Variants in TGM4 observed in about 807,000 individuals in gnomAD.
The protein encoded by TGM4 is transglutaminase 4.
In TGM4, 61 loss-of-function variants were observed where a neutral mutation model predicts 76.3. The ratio of observed to expected loss-of-function variants is 0.80; its 90% confidence interval spans 0.65 to 0.99. The LOEUF is 0.99. Ranked by LOEUF, TGM4 falls within the 50% of genes least tolerant of loss-of-function variation. The pLI is 0.00. For synonymous variants in TGM4, 337 were observed against 329.8 expected, an observed-to-expected ratio of 1.02 and a Z score of -0.24; for missense variants, 794 against 843.2, an observed-to-expected ratio of 0.94 and a Z score of 0.72.
chr3:44,895,433 C>T (rs775965681), intron 5 of TGM4, among the ~76,000 whole-genome samples: 1 of 152,162 alleles, frequency 6.6e-6, no homozygotes, highest in Non-Finnish European at 1.5e-5. Flanking sequence ...TCAAGGCCAG[C>T]CTGGGCAACA....
chr3:44,893,603 G>T lies in TGM4; in HGVS notation c.457G>T (p.Asp153Tyr), dbSNP rs1395462025. The T allele has an allele frequency of 4.3e-6, 7 of 1,613,784 alleles. No individual in the cohort carries two copies. Among genetic ancestry groups the T allele is most frequent in the Middle Eastern group, 1.6e-4 (1 of 6,066 alleles). Residue 153 changes from aspartate to tyrosine, a missense_variant, in exon 5 of 14, where the codon GAC becomes TAC. Coordinates refer to ENST00000296125, the MANE Select transcript of TGM4 (RefSeq NM_003241.4). ...KEDMVFMPDE[D>Y]ERKEYILNDT... ...GGACATGGTTTTCATGCCTGATGAG[G>T]ACGAGCGCAAAGAGTACATCCTCAA... is the stretch of plus-strand genomic sequence containing the variant.
intron 1 of TGM4, 44 bp downstream of exon 1, chr3:44,874,741 C>A (rs13076123): frequency 0.042 from 67,955 of 1,613,186 alleles, 1,700 homozygotes; most frequent in Non-Finnish European, 0.049. Context: ...GCCCCTTCAG[C>A]CAGCTGGCCC....
chr3:44,910,153 A>C lies in TGM4; in HGVS notation c.1391A>C (p.His464Pro). The C allele has an allele frequency of 1.9e-6, 3 of 1,614,244 alleles. No homozygotes were observed. Among genetic ancestry groups the C allele is most frequent in the Non-Finnish European group, 2.5e-6 (3 of 1,180,038 alleles). The change falls in exon 11 of 14, where the codon CAC becomes CCC. Residue 464 changes from histidine (H) to proline (P), a missense_variant. Transcript: ENST00000296125. ...AFLLLSSEREHRRPVKENFLH... is the reference protein window; with the variant it reads ...AFLLLSSEREPRRPVKENFLH... ...CTCCTTCTCAGTTCTGAGAGGGAGC[A>C]CAGACGACCTGTAAAAGAGAACTTT... is the stretch of plus-strand genomic sequence containing the variant.
At chr3:44,885,185 A>G (rs534755769) in intron 1 of TGM4, 140 bp from the exon 2 acceptor site, 37 of 789,066 alleles carry the variant, frequency 4.7e-5, no homozygotes, top group Non-Finnish European at 6.8e-5. Context: ...ATTCATAACC[A>G]GCTGGAGGTG....
Position 44,910,370 on chromosome 3 carries a change from T to C in TGM4, c.1606+2T>C, listed in dbSNP as rs768577400. 1 of 1,612,532 alleles carries C rather than the reference T, an allele frequency of 6.2e-7. No individual in the cohort carries two copies. Among genetic ancestry groups the C allele is most frequent in the South Asian group, 1.1e-5 (1 of 91,068 alleles). The stretch of plus-strand genomic sequence containing the variant: ...AGACCTCGCAGATCCAAGGTCAAGG[T>C]ACCAGAACCAGAGGGAGGAGAGGCC... On this transcript the variant is annotated splice_donor_variant, in intron 11 of 13. Transcript: ENST00000296125. LOFTEE classifies it high-confidence loss of function.
At chr3:44,881,265 A>G (rs895146351) in intron 1 of TGM4, among the ~76,000 whole-genome samples, 1 of 152,172 alleles carries the variant, frequency 6.6e-6, no homozygotes, top group Non-Finnish European at 1.5e-5. Flanking sequence ...CTGATCATTT[A>G]TTCATTGAGC....
chr3:44,912,378 G>A (rs1223719923), intron 13 of TGM4, among the ~76,000 whole-genome samples: 1 of 152,084 alleles, frequency 6.6e-6, no homozygotes, highest in African/African-American at 2.4e-5. Flanking sequence ...GGTTTTCCTA[G>A]TACTTTGTAG....
intron 11 of TGM4, 58 bp from the exon 12 acceptor site, chr3:44,910,900 A>G (rs765507823): frequency 2.6e-6 from 4 of 1,562,222 alleles, no homozygotes; most frequent in Non-Finnish European, 3.5e-6. Flanking sequence ...GATGAGGAGA[A>G]CTCATACTGG....
intron 1 of TGM4, among the ~76,000 whole-genome samples, chr3:44,881,776 T>C (rs1370773473): frequency 6.6e-6 from 1 of 152,208 alleles, no homozygotes; most frequent in Non-Finnish European, 1.5e-5. Flanking sequence ...CATCTGGAGA[T>C]TGCTTGTCTT....
In TGM4 at chr3:44,901,822, A is replaced by G. The variant is rs574852363; in HGVS notation, c.862A>G (p.Ser288Gly). 311 of 1,614,070 alleles carry G rather than the reference A, an allele frequency of 1.9e-4. 2 individuals carry two copies. The South Asian group carries it at 3.2e-3, about 16-fold the overall frequency. Residue 288 changes from serine to glycine, a missense_variant, in exon 8 of 14, where the codon AGT becomes GGT. Physicochemically the swap from Ser to Gly is moderately conservative, Grantham distance 56. Transcript: ENST00000296125. Reference sequence around the variant, plus strand: ...GAGAGCGTTGGGCATCCCAGCACGCAGTGTGACAGGCTTCGATTCAGCTCA... The same window carrying G: ...GAGAGCGTTGGGCATCCCAGCACGCGGTGTGACAGGCTTCGATTCAGCTCA... ...VLRALGIPAR[S>G]VTGFDSAHDT...
rs1211125557 is a variant in TGM4 at position 44,913,591 on chromosome 3, C to A, written c.1921C>A (p.Gln641Lys). The A allele has an allele frequency of 2.4e-5, 39 of 1,613,090 alleles. No individual in the cohort carries two copies. In the Admixed American group the frequency reaches 6.5e-4, roughly 27 times the overall value. Residue 641 changes from glutamine to lysine, a missense_variant, in exon 14 of 14, where the codon CAG becomes AAG. Gln to Lys is a moderately conservative substitution (Grantham distance 53). Transcript: ENST00000296125. ...TGTCTTTGAATTTTCCAGGACGGTG[C>A]AGCCTGGTGAGACCATCCAATCCCA... ...SLQTSDHGTVQPGETIQSQIK... is the reference protein window; with the variant it reads ...SLQTSDHGTVKPGETIQSQIK...
At chr3:44,906,355 A>G (rs1312346163) in intron 9 of TGM4, among the ~76,000 whole-genome samples, 2 of 152,216 alleles carry the variant, frequency 1.3e-5, no homozygotes. Context: ...GGAACTCTCT[A>G]TCCCCATGCT....
At chr3:44,911,148 A>G in intron 12 of TGM4, 21 bp downstream of exon 12, 2 of 1,612,230 alleles carry the variant, frequency 1.2e-6, no homozygotes, top group Non-Finnish European at 1.7e-6. Flanking sequence ...TGCAGGCCAT[A>G]AAGGGCTCCT....
chr3:44,905,387 C>T (rs2125758539), intron 9 of TGM4, among the ~76,000 whole-genome samples: 1 of 152,252 alleles, frequency 6.6e-6, no homozygotes, highest in South Asian at 2.1e-4. Flanking sequence ...TGAAGTGTGC[C>T]CAGGGACCAG....
In TGM4 at chr3:44,902,563, G is replaced by A. The variant is rs1699869057; in HGVS notation, c.971+632G>A. ...TGCAGTGAGCCGAGATCGCACCACT[G>A]CACTCCAGCCTGGTGACAGAGCTAG... On this transcript the variant is annotated intron_variant, in intron 8 of 13. Transcript: ENST00000296125. Among the ~76,000 whole-genome samples, 3 of 152,260 alleles carry A rather than the reference G, an allele frequency of 2.0e-5. No individual in the cohort carries two copies. The South Asian group carries it at 6.2e-4, about 32-fold the overall frequency.
At chr3:44,907,330 AAAAT>A in intron 10 of TGM4, 130 bp downstream of exon 10, 7 of 928,808 alleles carry the variant, frequency 7.5e-6, no homozygotes, top group Non-Finnish European at 1.0e-5. Flanking sequence ...AAAAAAAAAA[AAAAT>A]TAGCTGGGTG....
At chr3:44,898,008 G>A (rs184085663) in intron 6 of TGM4, among the ~76,000 whole-genome samples, 38 of 152,328 alleles carry the variant, frequency 2.5e-4, no homozygotes, top group African/African-American at 8.4e-4. Context: ...ACGGCCGGGC[G>A]TGGTGGCTCA....
At chr3:44,913,457 A>C in intron 13 of TGM4, 127 bp from the exon 14 acceptor site, 2 of 1,211,922 alleles carry the variant, frequency 1.7e-6, no homozygotes, top group Non-Finnish European at 2.3e-6. Flanking sequence ...ATGCCCTGGA[A>C]TGGCCAGGAC....
At chr3:44,876,423 C>T (rs1699452716) in intron 1 of TGM4, 1 of 152,174 alleles carries the variant, frequency 6.6e-6, no homozygotes, top group South Asian at 2.1e-4. Context: ...CTTCCAACCA[C>T]TCTAGGAGGT....
Sources: gnomAD v4.1 joint callset for allele counts (sites outside exome capture counted in the v4.1 genomes callset) on GRCh38, gnomAD v4.1.1 for gene constraint, MANE v1.5 for transcripts, NCBI Gene and HGNC (gene_info 2026-07-23, HGNC 2026-07-21) for gene names.